Variants in SMTNL2 observed in about 807,000 individuals in gnomAD.
The protein encoded by SMTNL2 is smoothelin-like protein 2.
SMTNL2 carries 43 observed loss-of-function variants against 44.1 expected under a neutral mutation model. The observed-to-expected ratio is 0.98, with a 90% CI of 0.76 to 1.26. The LOEUF is 1.26. Ranked by LOEUF, SMTNL2 falls within the 50% of genes most tolerant of loss-of-function variation. The pLI, the probability that SMTNL2 is intolerant of heterozygous loss-of-function variation, is 0.00. For synonymous variants in SMTNL2, 317 were observed against 287.6 expected (o/e 1.10, Z -1.03); for missense variants, 646 against 670.2 (o/e 0.96, Z 0.40).
At position 4,607,625 on chromosome 17, in the gene SMTNL2, C is replaced by T; in HGVS notation, c.*138C>T. 1 of 1,358,918 alleles carries T rather than the reference C, an allele frequency of 7.4e-7. No homozygotes were observed. 84.2% of individuals were successfully genotyped at this position (1,358,918 alleles called of 1,614,324 possible). A position where few individuals can be genotyped will look rare whatever the true frequency, so the allele number is the denominator to read the frequency against. ...GTTTGTTCTGTGGCATGTGACGGCA[C>T]TCCCCTTCGAGCCCAGCTGTGTTAC... On this transcript the variant is annotated 3_prime_UTR_variant, in exon 8 of 8. Coordinates refer to ENST00000389313, the MANE Select transcript of SMTNL2 (RefSeq NM_001114974.2). This position sits in a 1 kb window ranked among gnomAD's most constrained non-coding sequence, Gnocchi z 4.7.
intron 4 of SMTNL2, 70 bp downstream of exon 4, chr17:4,593,967 G>C (rs538148957): frequency 3.5e-5 from 54 of 1,559,108 alleles, no homozygotes. Context: ...GACGCAGGCC[G>C]CCCAGGGTTG....
At chr17:4,589,009 G>A (rs989389842) in intron 1 of SMTNL2, among the ~76,000 whole-genome samples, 2 of 152,178 alleles carry the variant, frequency 1.3e-5, no homozygotes, top group African/African-American at 4.8e-5. Context: ...TTCCCCAGGT[G>A]ACGAATGCTT....
intron 4 of SMTNL2, 127 bp downstream of exon 4, chr17:4,594,024 G>C (rs1909697426): frequency 4.3e-6 from 4 of 931,758 alleles, no homozygotes; most frequent in Admixed American, 4.2e-5. Context: ...TGGATCTCGG[G>C]AGCACTGGGC....
Position 4,592,946 on chromosome 17 carries a change from C to A in SMTNL2, c.505C>A (p.Pro169Thr). 4 of 1,613,390 alleles carry A rather than the reference C, an allele frequency of 2.5e-6. No homozygotes were observed. The highest frequency in any genetic ancestry group is 3.4e-6 in the Non-Finnish European group (4 of 1,179,556). ...QPGAGPGDGP[P>T]EIAQNFSAPD... ...TGTTCCAGGTCCAGGCGATGGACCC[C>A]CTGAGATTGCCCAAAACTTCTCAGC... Residue 169 changes from proline (P) to threonine (T), a missense_variant, in exon 3 of 8, where the codon CCT becomes ACT. Coordinates refer to ENST00000389313, the MANE Select transcript of SMTNL2 (RefSeq NM_001114974.2). This position sits in a 1 kb window ranked among gnomAD's most constrained non-coding sequence, Gnocchi z 4.5.
intron 6 of SMTNL2, 96 bp downstream of exon 6, chr17:4,597,073 C>G: frequency 6.6e-7 from 1 of 1,512,986 alleles, no homozygotes; most frequent in Non-Finnish European, 8.9e-7. Context: ...GGCAGGAGCC[C>G]GCTGAGGCTG....
Position 4,593,146 on chromosome 17 carries a change from C to T in SMTNL2, c.705C>T (p.Ile235=). The change falls in exon 3 of 8, where the codon ATC becomes ATT. Residue 235 remains isoleucine (I), a synonymous_variant. Transcript: ENST00000389313. ...TCAACCCAAGCCCCAGCGAGGTCAT[C>T]ACGCCCTGGACTCCCAGTCCTAGCG... ...GGLNPSPSEV[I]TPWTPSPSEK... 6.2e-7 allele frequency: 1 copy of T among 1,609,064 alleles called. No individual in the cohort carries two copies.
chr17:4,606,143 G>T (rs1260657216), intron 7 of SMTNL2, among the ~76,000 whole-genome samples: 1 of 151,906 alleles, frequency 6.6e-6, no homozygotes, highest in Non-Finnish European at 1.5e-5. Flanking sequence ...TTTTGAGACG[G>T]AGTCTTTCTT....
Position 4,595,281 on chromosome 17 carries a change from C to A in SMTNL2, c.943C>A (p.Arg315=). Residue 315 remains arginine, a synonymous_variant, in exon 5 of 8, where the codon CGG becomes AGG. Transcript: ENST00000389313. The surrounding 1 kb of genome is among the most constrained non-coding windows in gnomAD (Gnocchi z 5.1). ...GCCCCGCACCTCGGAGGCGCAGGCC[C>A]GGAAAGCATTGTTTGAGAAGTGGGA... ...TLPRTSEAQA[R]KALFEKWEQE... 6.2e-7 allele frequency: 1 copy of A among 1,613,194 alleles called. No individual in the cohort carries two copies. The highest frequency in any genetic ancestry group is 8.5e-7 in the Non-Finnish European group (1 of 1,179,884).
At chr17:4,587,477 C>T (rs1464059475) in intron 1 of SMTNL2, among the ~76,000 whole-genome samples, 2 of 152,226 alleles carry the variant, frequency 1.3e-5, no homozygotes, top group Non-Finnish European at 2.9e-5. Context: ...TGATCAAGAG[C>T]TTGGTCACAC....
upstream of SMTNL2, chr17:4,584,501 C>G: frequency 8.5e-7 from 1 of 1,178,990 alleles, no homozygotes; most frequent in East Asian, 3.5e-5. Flanking sequence ...CCCGGCAGCC[C>G]CTCGAGCGAA....
rs894228692 is a variant in SMTNL2, at chr17:4,600,327, G to A, written c.1259+3004G>A. 7.2e-5 allele frequency among the ~76,000 whole-genome samples: 11 copies of A among 152,152 alleles called. No homozygotes were observed. Among genetic ancestry groups the A allele is most frequent in the East Asian group, 5.8e-4 (3 of 5,190 alleles). On this transcript the variant is annotated intron_variant, in intron 7 of 7. Transcript: ENST00000389313. This position sits in a 1 kb window ranked among gnomAD's most constrained non-coding sequence, Gnocchi z 4.7. ...GCAAAGGCTGAGCAGATCCAGGGTC[G>A]TGCAGGCAGCAGGACCACAGAGCTA...
chr17:4,602,767 C>T (rs1910102613), intron 7 of SMTNL2, among the ~76,000 whole-genome samples: 1 of 152,180 alleles, frequency 6.6e-6, no homozygotes, highest in Admixed American at 6.5e-5. Context: ...TGCTCTCTGC[C>T]TGTGGGAGGC....
At position 4,584,761 on chromosome 17, in the gene SMTNL2, G is replaced by A; in HGVS notation, c.156G>A (p.Leu52=). ...VERRVAEAMR[L]AGPLARTVAD... The stretch of plus-strand genomic sequence containing the variant: ...GGCGAGTGGCAGAGGCGATGCGCCT[G>A]GCCGGCCCCCTGGCGCGCACGGTGG... Residue 52 remains leucine, a synonymous_variant, in exon 1 of 8, where the codon CTG becomes CTA. Transcript: ENST00000389313. 7.6e-7 allele frequency: 1 copy of A among 1,309,406 alleles called. No homozygotes were observed. The highest frequency in any genetic ancestry group is 9.7e-7 in the Non-Finnish European group (1 of 1,032,678). 81.1% of individuals were successfully genotyped at this position (1,309,406 alleles called of 1,614,324 possible). A position where few individuals can be genotyped will look rare whatever the true frequency, so the allele number is the denominator to read the frequency against.
rs576719789 is a variant in SMTNL2, at chr17:4,592,068, G to A, written c.400-293G>A. On this transcript the variant is annotated intron_variant, in intron 1 of 7. Transcript: ENST00000389313. The surrounding 1 kb of genome is among the most constrained non-coding windows in gnomAD (Gnocchi z 4.5). ...CCAGCCTGGGGGAAAAGGTGAGGGG[G>A]CCTAATGTCATTGGAACCCTCCATC... is the stretch of plus-strand genomic sequence containing the variant. Among the ~76,000 whole-genome samples, 4 of 152,318 alleles carry A rather than the reference G, an allele frequency of 2.6e-5. No individual in the cohort carries two copies. The East Asian group carries it at 7.7e-4, about 29-fold the overall frequency.
intron 7 of SMTNL2, among the ~76,000 whole-genome samples, chr17:4,604,331 G>A (rs879505183): frequency 6.6e-6 from 1 of 152,168 alleles, no homozygotes; most frequent in Non-Finnish European, 1.5e-5. Flanking sequence ...CAGGCCACCC[G>A]CTACAACTCC....
In SMTNL2 at chr17:4,595,361, C is replaced by G. The variant is rs59211026; in HGVS notation, c.989+34C>G. On this transcript the variant is annotated intron_variant, in intron 5 of 7. Coordinates refer to ENST00000389313, the MANE Select transcript of SMTNL2 (RefSeq NM_001114974.2). This position sits in a 1 kb window ranked among gnomAD's most constrained non-coding sequence, Gnocchi z 5.1. Reference sequence around the variant, plus strand: ...GCCCACTCACAGACAGGCCCGGCCCCACGGTGTGCCCAGACCCAGACGGGG... The same window carrying G: ...GCCCACTCACAGACAGGCCCGGCCCGACGGTGTGCCCAGACCCAGACGGGG... 0.16 allele frequency: 253,429 copies of G among 1,601,074 alleles called. 20,805 individuals carry two copies. Among genetic ancestry groups the G allele is most frequent in the African/African-American group, 0.24 (17,994 of 74,876 alleles).
Position 4,584,947 on chromosome 17 carries a change from C to A in SMTNL2, c.342C>A (p.Arg114=). ...CCGGGGTTCCCGACCGCGCGCCCCG[C>A]CTGGGCAGCGCACGCTTCGCCAGCC... ...PAPGVPDRAP[R]LGSARFASHA... Residue 114 remains arginine, a synonymous_variant, in exon 1 of 8, where the codon CGC becomes CGA. Coordinates refer to ENST00000389313, the MANE Select transcript of SMTNL2 (RefSeq NM_001114974.2). 1 of 1,348,666 alleles carries A rather than the reference C, an allele frequency of 7.4e-7. No individual in the cohort carries two copies. Among genetic ancestry groups the A allele is most frequent in the Non-Finnish European group, 9.5e-7 (1 of 1,052,956 alleles). The allele number at this position is 1,348,666 out of a possible 1,614,324, so 83.5% of individuals were successfully genotyped here.
In SMTNL2 at chr17:4,595,363, C is replaced by A. The variant is rs748635662; in HGVS notation, c.989+36C>A. ...CCACTCACAGACAGGCCCGGCCCCACGGTGTGCCCAGACCCAGACGGGGCT... is the reference window on the plus strand; with the variant it reads ...CCACTCACAGACAGGCCCGGCCCCAAGGTGTGCCCAGACCCAGACGGGGCT... On this transcript the variant is annotated intron_variant, in intron 5 of 7. Transcript: ENST00000389313. This position sits in a 1 kb window ranked among gnomAD's most constrained non-coding sequence, Gnocchi z 5.1. The A allele has an allele frequency of 6.3e-7, 1 of 1,599,832 alleles. No homozygotes were observed. Among genetic ancestry groups the A allele is most frequent in the Middle Eastern group, 1.8e-4 (1 of 5,422 alleles).
intron 1 of SMTNL2, among the ~76,000 whole-genome samples, chr17:4,585,825 C>T (rs1310752033): frequency 6.6e-6 from 1 of 152,208 alleles, no homozygotes; most frequent in African/African-American, 2.4e-5. Context: ...CTGCTCCCTC[C>T]TTGGTGCAAT....
Sources: gnomAD v4.1 joint callset for allele counts (sites outside exome capture counted in the v4.1 genomes callset) on GRCh38, gnomAD v4.1.1 for gene constraint, Gnocchi (gnomAD v3.1) non-coding constraint, MANE v1.5 for transcripts, NCBI Gene and HGNC (gene_info 2026-07-23, HGNC 2026-07-21) for gene names.